Variants in ATF2 observed in about 807,000 individuals in gnomAD.
The protein encoded by ATF2 is activating transcription factor 2.
Under a neutral mutation model 60.6 loss-of-function variants are expected in ATF2, and 24 were observed. The ratio of observed to expected loss-of-function variants is 0.40; its 90% confidence interval spans 0.29 to 0.56. The LOEUF is 0.56. ATF2 is among the 20% of genes least tolerant of loss of function. The pLI is 0.54. For synonymous variants in ATF2, 206 were observed against 215.4 expected (o/e 0.96, Z 0.38); for missense variants, 433 against 607.7 (o/e 0.71, Z 3.02).
At chr2:175,159,011 A>G (rs1699853372) in intron 1 of ATF2, among the ~76,000 whole-genome samples, 1 of 152,094 alleles carries the variant, frequency 6.6e-6, no homozygotes, top group Non-Finnish European at 1.5e-5. Context: ...CTACATACTC[A>G]GTTTGACTTT....
In ATF2 at chr2:175,168,105, C is replaced by G. The variant is rs2105398022; in HGVS notation, c.-198G>C. The G allele has an allele frequency of 6.0e-6, 1 of 167,016 alleles. No homozygotes were observed. Among genetic ancestry groups the G allele is most frequent in the Middle Eastern group, 3.1e-3 (1 of 322 alleles). The allele number at this position is 167,016 out of a possible 1,614,324, so 10.3% of individuals were successfully genotyped here. On this transcript the variant is annotated 5_prime_UTR_variant, in exon 1 of 14. Coordinates refer to ENST00000264110, the MANE Select transcript of ATF2 (RefSeq NM_001880.4). Reference sequence around the variant, plus strand: ...GGTCACCCGCGAGCCCTGAGCACAGCCGTGTTTACAAAGCACCCCTGGAGG... The same window carrying G: ...GGTCACCCGCGAGCCCTGAGCACAGGCGTGTTTACAAAGCACCCCTGGAGG...
chr2:175,085,464 G>A (rs1469574144), intron 12 of ATF2, among the ~76,000 whole-genome samples: 1 of 151,936 alleles, frequency 6.6e-6, no homozygotes, highest in Non-Finnish European at 1.5e-5. Context: ...GAATTCAAGA[G>A]GTGGAGGTTG....
rs4485536 is a variant in ATF2, at chr2:175,104,812, C to T, written c.828+6756G>A. Among the ~76,000 whole-genome samples the T allele has an allele frequency of 7.4e-3, 1,035 of 140,630 alleles. 10 individuals are homozygous for T. Among genetic ancestry groups the T allele is most frequent in the African/African-American group, 0.028 (978 of 34,652 alleles). The allele number at this position is 140,630 out of a possible 152,430, so 92.3% of individuals were successfully genotyped here. ...TAAACTATACCTATTTGGTATTTTA[C>T]GTTCTACAAGTATAATCTAATCTAA... On this transcript the variant is annotated intron_variant, in intron 10 of 13. Transcript: ENST00000264110.
chr2:175,135,006 TA>T (rs60122560), intron 3 of ATF2, among the ~76,000 whole-genome samples: 963 of 85,714 alleles, frequency 0.011, 7 homozygotes, highest in African/African-American at 0.036. Flanking sequence ...CCCATCTCTT[TA>T]AAAAAAAAAA....
intron 1 of ATF2, among the ~76,000 whole-genome samples, chr2:175,167,033 C>T (rs1700393827): frequency 6.6e-6 from 1 of 152,110 alleles, no homozygotes; most frequent in Non-Finnish European, 1.5e-5. Context: ...ACTAAAATTT[C>T]TGATGCCTAA....
intron 12 of ATF2, among the ~76,000 whole-genome samples, chr2:175,088,240 C>T (rs1378355109): frequency 6.6e-6 from 1 of 151,998 alleles, no homozygotes; most frequent in African/African-American, 2.4e-5. Flanking sequence ...TTTCTTTCAT[C>T]TAGAATATAG....
At chr2:175,134,270 A>G (rs1697964745) in intron 3 of ATF2, among the ~76,000 whole-genome samples, 1 of 152,218 alleles carries the variant, frequency 6.6e-6, no homozygotes, top group Non-Finnish European at 1.5e-5. Context: ...GAGGATGTGC[A>G]TAGGTGATAC....
Position 175,133,347 on chromosome 2 carries a change from A to G in ATF2, c.32+3065T>C, listed in dbSNP as rs143157852. On this transcript the variant is annotated intron_variant, in intron 3 of 13. Coordinates refer to ENST00000264110, the MANE Select transcript of ATF2 (RefSeq NM_001880.4). Reference sequence around the variant, plus strand: ...GGAGTACAGAAATGGAACCACACATAAGGCTACCTGATTTGTACAAATGCT... The same window carrying G: ...GGAGTACAGAAATGGAACCACACATGAGGCTACCTGATTTGTACAAATGCT... Among the ~76,000 whole-genome samples, 795 of 152,286 alleles carry G rather than the reference A, an allele frequency of 5.2e-3. 5 individuals are homozygous for G. The highest frequency in any genetic ancestry group is 0.018 in the African/African-American group (748 of 41,560).
At chr2:175,108,440 G>A (rs1451341551) in intron 10 of ATF2, among the ~76,000 whole-genome samples, 1 of 149,562 alleles carries the variant, frequency 6.7e-6, no homozygotes, top group Admixed American at 6.6e-5. Context: ...CGCCCGGCCA[G>A]CAGCCCCGTC....
At chr2:175,148,833 C>A (rs747896570) in intron 2 of ATF2, among the ~76,000 whole-genome samples, 4 of 152,118 alleles carry the variant, frequency 2.6e-5, no homozygotes, top group Non-Finnish European at 4.4e-5. Context: ...ATCCTATGAA[C>A]TGGAACACAG....
chr2:175,134,266 G>A (rs1044504324), intron 3 of ATF2, among the ~76,000 whole-genome samples: 1 of 152,160 alleles, frequency 6.6e-6, no homozygotes, highest in Non-Finnish European at 1.5e-5. Flanking sequence ...ACGGGAGGAT[G>A]TGCATAGGTG....
At chr2:175,155,291 C>T (rs1245339139) in intron 1 of ATF2, among the ~76,000 whole-genome samples, 3 of 152,136 alleles carry the variant, frequency 2.0e-5, no homozygotes, top group Non-Finnish European at 4.4e-5. Flanking sequence ...GTAGAAGCTT[C>T]CATGGAACAA....
intron 13 of ATF2, among the ~76,000 whole-genome samples, chr2:175,076,209 C>G (rs920651358): frequency 2.0e-5 from 3 of 152,052 alleles, no homozygotes; most frequent in African/African-American, 7.2e-5. Flanking sequence ...TTTTCAACAT[C>G]TGCCTCAAAT....
At chr2:175,086,662 G>A (rs1694190512) in intron 12 of ATF2, among the ~76,000 whole-genome samples, 1 of 152,048 alleles carries the variant, frequency 6.6e-6, no homozygotes, top group African/African-American at 2.4e-5. Context: ...ACCTGCCTCA[G>A]CCTCCCAAAG....
At chr2:175,159,647 C>A (rs903704706) in intron 1 of ATF2, among the ~76,000 whole-genome samples, 3 of 152,100 alleles carry the variant, frequency 2.0e-5, no homozygotes, top group Non-Finnish European at 4.4e-5. Flanking sequence ...TTCAATATCT[C>A]AAAAATATTC....
intron 2 of ATF2, among the ~76,000 whole-genome samples, chr2:175,148,851 C>T (rs949015354): frequency 3.3e-5 from 5 of 152,100 alleles, no homozygotes; most frequent in Admixed American, 2.0e-4. Flanking sequence ...CAGCACCCCA[C>T]CCCCCAAACT....
At chr2:175,080,610 G>A (rs12693057) in intron 13 of ATF2, 50 bp downstream of exon 13, 104,598 of 1,381,680 alleles carry the variant, frequency 0.076, 5,107 homozygotes, top group African/African-American at 0.21. Flanking sequence ...TCACTCTGAC[G>A]GTATTTCACT....
chr2:175,165,341 G>A (rs1700282323), intron 1 of ATF2, among the ~76,000 whole-genome samples: 1 of 152,108 alleles, frequency 6.6e-6, no homozygotes, highest in Non-Finnish European at 1.5e-5. Context: ...AGAAAGAAAT[G>A]CCTACTTATA....
At chr2:175,121,781 G>A (rs1397083304) in intron 4 of ATF2, among the ~76,000 whole-genome samples, 1 of 151,220 alleles carries the variant, frequency 6.6e-6, no homozygotes, top group Non-Finnish European at 1.5e-5. Flanking sequence ...TAACTCATTT[G>A]AGAGCATTTA....
Sources: gnomAD v4.1 joint callset for allele counts (sites outside exome capture counted in the v4.1 genomes callset) on GRCh38, gnomAD v4.1.1 for gene constraint, MANE v1.5 for transcripts, NCBI Gene and HGNC (gene_info 2026-07-23, HGNC 2026-07-21) for gene names.